Variants in ITGA2 observed in about 807,000 individuals in gnomAD.
The protein encoded by ITGA2 is integrin subunit alpha 2.
Under a neutral mutation model 146.3 loss-of-function variants are expected in ITGA2, and 101 were observed. The observed-to-expected ratio is 0.69, with a 90% CI of 0.59 to 0.81. The LOEUF (loss-of-function observed/expected upper bound fraction) is 0.81, where lower values mean the gene tolerates loss of function less well. ITGA2 is among the 40% of genes least tolerant of loss of function. The probability of loss-of-function intolerance (pLI) is 0.00; values close to 1 mark genes in which losing one functional copy is unlikely to be tolerated. For missense variants in ITGA2, 1,281 were observed against 1,402.7 expected (o/e 0.91, Z 1.39); for synonymous variants, 477 against 487.1 (o/e 0.98, Z 0.27).
At chr5:53,020,369 C>T (rs971999517) in intron 1 of ITGA2, among the ~76,000 whole-genome samples, 2 of 152,082 alleles carry the variant, frequency 1.3e-5, no homozygotes, top group Non-Finnish European at 2.9e-5. Flanking sequence ...ATTATGTGAC[C>T]ATTTGAGTTA....
At chr5:53,082,955 C>G (rs1322785951) in intron 26 of ITGA2, among the ~76,000 whole-genome samples, 1 of 152,070 alleles carries the variant, frequency 6.6e-6, no homozygotes, top group Non-Finnish European at 1.5e-5. Context: ...TGCATGTTTA[C>G]TAATTTATTT....
intron 10 of ITGA2, 108 bp from the exon 11 acceptor site, chr5:53,059,766 A>G: frequency 9.8e-7 from 1 of 1,023,200 alleles, no homozygotes; most frequent in Non-Finnish European, 1.5e-6. Flanking sequence ...TATATATTTC[A>G]TCATTTTTAA....
intron 25 of ITGA2, among the ~76,000 whole-genome samples, 199 bp downstream of exon 25, chr5:53,080,820 T>C (rs963671489): frequency 6.6e-5 from 10 of 152,154 alleles, no homozygotes; most frequent in African/African-American, 2.4e-4. Flanking sequence ...GTCTAGGGAA[T>C]TGCAGGTGGC....
At chr5:53,085,921 T>G (rs1338690920) in intron 27 of ITGA2, among the ~76,000 whole-genome samples, 1 of 152,168 alleles carries the variant, frequency 6.6e-6, no homozygotes, top group Non-Finnish European at 1.5e-5. Flanking sequence ...ACTTTTTTTT[T>G]TCCCCCAGAC....
chr5:53,051,495 A>G lies in ITGA2; in HGVS notation c.715A>G (p.Thr239Ala). 1 of 1,613,662 alleles carries G rather than the reference A, an allele frequency of 6.2e-7. No homozygotes were observed. Among genetic ancestry groups the G allele is most frequent in the South Asian group, 1.1e-5 (1 of 91,078 alleles). Reference sequence around the variant, plus strand: ...AACCAAAGAAGAAATGATTGTAGCAACATCCCAGACATCCCAATATGGTGG... The same window carrying G: ...AACCAAAGAAGAAATGATTGTAGCAGCATCCCAGACATCCCAATATGGTGG... ...YKTKEEMIVA[T>A]SQTSQYGGDL... is the part of the protein sequence containing the mutation. Residue 239 changes from threonine (T) to alanine (A), a missense_variant, in exon 7 of 30, where the codon ACA becomes GCA. By Grantham distance (58) the Thr-to-Ala change is moderately conservative. Transcript: ENST00000296585.
chr5:53,060,158 GC>G, intron 11 of ITGA2, 146 bp downstream of exon 11: 1 of 843,228 alleles, frequency 1.2e-6, no homozygotes, highest in South Asian at 1.4e-5. Flanking sequence ...TTGTCTCTTT[GC>G]CAATCGGGCC....
chr5:53,011,132 C>T (rs960600810), intron 1 of ITGA2, among the ~76,000 whole-genome samples: 1 of 152,148 alleles, frequency 6.6e-6, no homozygotes, highest in African/African-American at 2.4e-5. Context: ...GAATAAACTT[C>T]TGCTGTTTTA....
intron 2 of ITGA2, among the ~76,000 whole-genome samples, chr5:53,041,169 C>T (rs1743780720): frequency 6.6e-6 from 1 of 152,086 alleles, no homozygotes; most frequent in Non-Finnish European, 1.5e-5. Context: ...TTGAATGCTG[C>T]TGAGTAACCT....
At chr5:53,081,219 G>T (rs1374867530) in intron 25 of ITGA2, among the ~76,000 whole-genome samples, 1 of 152,142 alleles carries the variant, frequency 6.6e-6, no homozygotes, top group African/African-American at 2.4e-5. Context: ...CTCATCTTCA[G>T]TCCAACAGTT....
intron 13 of ITGA2, 143 bp downstream of exon 13, chr5:53,063,072 C>A: frequency 1.4e-6 from 1 of 713,768 alleles, no homozygotes; most frequent in Non-Finnish European, 2.3e-6. Flanking sequence ...TGAGGATGTC[C>A]CCATTAAGTT....
intron 8 of ITGA2, 56 bp from the exon 9 acceptor site, chr5:53,055,928 T>G: frequency 6.6e-7 from 1 of 1,511,392 alleles, no homozygotes; most frequent in South Asian, 1.2e-5. Flanking sequence ...TAGAATGTAC[T>G]CATAGGGAAA....
chr5:53,023,463 T>C (rs1742782535), intron 1 of ITGA2, among the ~76,000 whole-genome samples: 1 of 152,278 alleles, frequency 6.6e-6, no homozygotes, highest in South Asian at 2.1e-4. Context: ...AGGTTCTTTT[T>C]ACCACTCTTT....
chr5:53,067,249 A>T lies in ITGA2; in HGVS notation c.2075A>T (p.Asn692Ile). ...SAKFRPTKQN[N>I]QVAIVYNITL... ...AAGTTCAGACCTACTAAGCAAAACA[A>T]TCAAGTGGGTGCGTAGATCTGAAAT... Residue 692 changes from asparagine to isoleucine, a missense_variant, in exon 16 of 30, where the codon AAT becomes ATT. By Grantham distance (149) the Asn-to-Ile change is moderately radical. Around this residue, in one of 3 missense-constraint regions of ITGA2, gnomAD observed 795 missense variants for 841.7 expected, o/e 0.94. Coordinates refer to ENST00000296585, the MANE Select transcript of ITGA2 (RefSeq NM_002203.4). 1.9e-6 allele frequency: 3 copies of T among 1,611,548 alleles called. No homozygotes were observed. The highest frequency in any genetic ancestry group is 2.5e-6 in the Non-Finnish European group (3 of 1,178,574).
At chr5:53,010,941 G>T (rs888554851) in intron 1 of ITGA2, among the ~76,000 whole-genome samples, 9 of 152,094 alleles carry the variant, frequency 5.9e-5, no homozygotes, top group African/African-American at 2.2e-4. Context: ...CACATGTAAA[G>T]GGGAGGAGGA....
In ITGA2 at chr5:53,071,910, CTGTATGTT is replaced by C; in HGVS notation, c.2236-24_2236-17del. ...TCTAATAAACTGACTCTGTCTCCCC[CTGTATGTT>C]TGTGTGTGTGTATGTTTAGGAGCCC... is the stretch of plus-strand genomic sequence containing the variant. On this transcript the variant is annotated intron_variant, in intron 17 of 29. Transcript: ENST00000296585. 1.3e-6 allele frequency: 2 copies of C among 1,505,984 alleles called. No individual in the cohort carries two copies. The highest frequency in any genetic ancestry group is 1.8e-6 in the Non-Finnish European group (2 of 1,083,106). 93.3% of individuals were successfully genotyped at this position (1,505,984 alleles called of 1,614,324 possible).
intron 11 of ITGA2, 132 bp from the exon 12 acceptor site, chr5:53,060,769 G>A (rs1744868719): frequency 3.6e-6 from 3 of 829,150 alleles, no homozygotes; most frequent in South Asian, 2.8e-5. Context: ...CCTCAGTGAT[G>A]TATTCAGGAG....
At chr5:53,018,084 T>A (rs1742484304) in intron 1 of ITGA2, among the ~76,000 whole-genome samples, 1 of 152,024 alleles carries the variant, frequency 6.6e-6, no homozygotes, top group African/African-American at 2.4e-5. Context: ...GAGGCCATGG[T>A]CAGGCTGGAG....
At chr5:53,037,905 T>C (rs1005735476) in intron 2 of ITGA2, among the ~76,000 whole-genome samples, 1 of 152,184 alleles carries the variant, frequency 6.6e-6, no homozygotes, top group African/African-American at 2.4e-5. Context: ...TGTATTTGCA[T>C]GTATCTTTTA....
intron 1 of ITGA2, among the ~76,000 whole-genome samples, chr5:52,996,460 G>A (rs986047380): frequency 6.6e-6 from 1 of 152,110 alleles, no homozygotes; most frequent in Non-Finnish European, 1.5e-5. Context: ...AGGTTATCAT[G>A]GGAAGGTAGG....
Sources: allele counts gnomAD v4.1 joint callset (sites outside exome capture counted in the v4.1 genomes callset), GRCh38; gene constraint gnomAD v4.1.1; regional missense constraint gnomAD v4.1.1; transcripts MANE v1.5; gene names NCBI Gene and HGNC (gene_info 2026-07-23, HGNC 2026-07-21).